Variants in ESRRG observed in about 807,000 individuals in gnomAD.
ESRRG encodes the protein estrogen-related receptor gamma.
ESRRG carries 13 observed loss-of-function variants against 44.0 expected under a neutral mutation model. That is an observed-to-expected ratio of 0.30 (90% CI 0.19 to 0.47). The LOEUF (loss-of-function observed/expected upper bound fraction) is 0.47. Among genes scored for constraint, ESRRG ranks in the 20% least tolerant of loss-of-function variants. ESRRG has a pLI of 1.00. For missense variants in ESRRG, 395 were observed against 580.6 expected (o/e 0.68, Z 3.29); for synonymous variants, 215 against 214.6 (o/e 1.00, Z -0.02).
At chr1:216,780,359 T>A (rs992496765) in intron 2 of ESRRG, among the ~76,000 whole-genome samples, 1 of 152,020 alleles carries the variant, frequency 6.6e-6, no homozygotes, top group African/African-American at 2.4e-5. Context: ...ATTCTTCTCT[T>A]TCCCTGACAG....
intron 1 of ESRRG, among the ~76,000 whole-genome samples, chr1:216,945,289 A>C: frequency 6.6e-6 from 1 of 152,260 alleles, no homozygotes; most frequent in South Asian, 2.1e-4. Flanking sequence ...CTCAATCAGT[A>C]CCTATTTTCA....
intron 2 of ESRRG, among the ~76,000 whole-genome samples, chr1:216,826,283 T>C (rs1002385680): frequency 1.3e-5 from 2 of 151,826 alleles, no homozygotes; most frequent in East Asian, 1.9e-4. Context: ...TACAATCTAA[T>C]ATAATATATT....
chr1:216,550,291 A>T (rs1271648154), intron 5 of ESRRG, among the ~76,000 whole-genome samples: 2 of 152,172 alleles, frequency 1.3e-5, no homozygotes, highest in African/African-American at 4.8e-5. Flanking sequence ...TGCCAAAGAC[A>T]AGACGATGAT....
chr1:216,995,075 C>T (rs930054808), intron 1 of ESRRG, among the ~76,000 whole-genome samples: 3 of 152,180 alleles, frequency 2.0e-5, no homozygotes, highest in African/African-American at 7.2e-5. Context: ...ACTTAAAGAT[C>T]AAAGACGACT....
intron 2 of ESRRG, among the ~76,000 whole-genome samples, chr1:216,676,460 A>G (rs2076126515): frequency 6.6e-6 from 1 of 152,196 alleles, no homozygotes; most frequent in South Asian, 2.1e-4. Flanking sequence ...CCATAAGGAA[A>G]AAAGAAAGAT....
intron 1 of ESRRG, among the ~76,000 whole-genome samples, chr1:217,043,275 A>G (rs577972448): frequency 7.9e-5 from 12 of 152,172 alleles, no homozygotes; most frequent in Non-Finnish European, 1.8e-4. Flanking sequence ...CTGCAGCTAA[A>G]TTGGGCCTCA....
chr1:216,970,929 G>A (rs1179678237), intron 1 of ESRRG, among the ~76,000 whole-genome samples: 2 of 151,980 alleles, frequency 1.3e-5, no homozygotes, highest in African/African-American at 4.8e-5. Flanking sequence ...TTTTGACCCA[G>A]GCACAGAGAA....
chr1:216,698,895 C>A (rs975399665), intron 1 of ESRRG, among the ~76,000 whole-genome samples: 2 of 152,106 alleles, frequency 1.3e-5, no homozygotes, highest in Non-Finnish European at 2.9e-5. Flanking sequence ...CTAGCCTACG[C>A]CCACATGTAC....
At chr1:216,538,390 T>A (rs2051644163) in intron 5 of ESRRG, among the ~76,000 whole-genome samples, 1 of 151,850 alleles carries the variant, frequency 6.6e-6, no homozygotes, top group South Asian at 2.1e-4. Flanking sequence ...AAAGCGTGAG[T>A]CTGTGAGAAG....
At position 217,009,454 on chromosome 1, in the gene ESRRG, G is replaced by A. The variant is rs143395040; in HGVS notation, c.-105-69781C>T. Among the ~76,000 whole-genome samples, 7 of 152,182 alleles carry A rather than the reference G, an allele frequency of 4.6e-5. No homozygotes were observed. The East Asian group carries it at 1.4e-3, about 29-fold the overall frequency. On this transcript the variant is annotated intron_variant, in intron 1 of 7. Coordinates refer to the ESRRG transcript ENST00000359162. ...GCCCAAGTCATTCAAATAAGCTCAC[G>A]ATTTTATTTCATTTGAAAAGTAAAC...
chr1:216,696,012 C>T (rs559580157), intron 1 of ESRRG, among the ~76,000 whole-genome samples: 227 of 152,310 alleles, frequency 1.5e-3, no homozygotes, highest in Middle Eastern at 3.4e-3. Context: ...TTGGATGATT[C>T]TCTCTTCTGC....
At chr1:216,633,839 A>G (rs2064742931) in intron 3 of ESRRG, among the ~76,000 whole-genome samples, 3 of 152,240 alleles carry the variant, frequency 2.0e-5, no homozygotes, top group African/African-American at 4.8e-5. Flanking sequence ...AATTATTAAG[A>G]GATGGATAAA....
At chr1:217,085,587 T>A (rs1227957359) in intron 1 of ESRRG, among the ~76,000 whole-genome samples, 9 of 140,820 alleles carry the variant, frequency 6.4e-5, no homozygotes. Flanking sequence ...ACCTCCCGGG[T>A]GCAAGCCATT....
intron 1 of ESRRG, among the ~76,000 whole-genome samples, chr1:216,707,168 C>T (rs1383896202): frequency 6.6e-6 from 1 of 152,146 alleles, no homozygotes; most frequent in Non-Finnish European, 1.5e-5. Context: ...TTCTAGAGTT[C>T]AAACAAATCC....
At chr1:216,731,635 T>C (rs376832689) in intron 2 of ESRRG, among the ~76,000 whole-genome samples, 10 of 152,356 alleles carry the variant, frequency 6.6e-5, no homozygotes, top group African/African-American at 2.4e-4. Context: ...ACTCAATACG[T>C]ACCCCCAAAA....
chr1:216,610,224 T>G (rs1457697234), intron 3 of ESRRG, among the ~76,000 whole-genome samples: 1 of 151,652 alleles, frequency 6.6e-6, no homozygotes, highest in African/African-American at 2.4e-5. Flanking sequence ...TTTTTTTTTT[T>G]GCTCCAGTTC....
At chr1:216,634,962 C>T (rs1026409884) in intron 3 of ESRRG, among the ~76,000 whole-genome samples, 1 of 151,982 alleles carries the variant, frequency 6.6e-6, no homozygotes, top group Non-Finnish European at 1.5e-5. Flanking sequence ...CTTTGTTTCC[C>T]CTCCTTTTTC....
At chr1:216,704,231 C>T (rs548080887) in intron 1 of ESRRG, among the ~76,000 whole-genome samples, 11 of 152,112 alleles carry the variant, frequency 7.2e-5, no homozygotes, top group Admixed American at 2.0e-4. Context: ...CTAGTAAATT[C>T]GGCTGGGCGC....
chr1:216,517,403 A>G (rs1283230833), intron 6 of ESRRG, among the ~76,000 whole-genome samples: 1 of 152,204 alleles, frequency 6.6e-6, no homozygotes, highest in African/African-American at 2.4e-5. Context: ...CTAAATTATA[A>G]TAGTCATAAA....
Sources: gnomAD v4.1 joint callset for allele counts (sites outside exome capture counted in the v4.1 genomes callset) on GRCh38, gnomAD v4.1.1 for gene constraint, MANE v1.5 for transcripts, NCBI Gene and HGNC (gene_info 2026-07-23, HGNC 2026-07-21) for gene names.